The following TMEM132B variants were observed in gnomAD, a reference collection of about 807,000 sequenced individuals.
TMEM132B encodes the protein transmembrane protein 132B.
Under a neutral mutation model 90.8 loss-of-function variants are expected in TMEM132B, and 18 were observed. That is an observed-to-expected ratio of 0.20 (90% CI 0.14 to 0.29). TMEM132B has a LOEUF of 0.29. TMEM132B is among the 10% of genes least tolerant of loss of function. TMEM132B has a pLI of 1.00. For missense variants in TMEM132B, 1,096 were observed against 1,326.8 expected (o/e 0.83, Z 2.70); for synonymous variants, 504 against 523.3 (o/e 0.96, Z 0.50).
chr12:125,260,465 C>T (rs953163425), intron 1 of TMEM132B, among the ~76,000 whole-genome samples: 2 of 151,712 alleles, frequency 1.3e-5, no homozygotes, highest in Non-Finnish European at 2.9e-5. Context: ...GATTCTCCTG[C>T]CTCAGCCTTA....
intron 3 of TMEM132B, among the ~76,000 whole-genome samples, chr12:125,462,087 A>G (rs1013498590): frequency 6.6e-6 from 1 of 152,136 alleles, no homozygotes; most frequent in Non-Finnish European, 1.5e-5. Context: ...ATGGCAGTCA[A>G]CTCCATCTGA....
chr12:125,549,139 AG>A (rs1177449574), intron 4 of TMEM132B, among the ~76,000 whole-genome samples: 2 of 152,260 alleles, frequency 1.3e-5, no homozygotes, highest in Non-Finnish European at 2.9e-5. Flanking sequence ...GTCACTTCAT[AG>A]GGCAGACTTT....
intron 1 of TMEM132B, among the ~76,000 whole-genome samples, chr12:125,335,584 A>AATG (rs1288924685): frequency 1.3e-5 from 2 of 152,264 alleles, no homozygotes; most frequent in Non-Finnish European, 2.9e-5. Flanking sequence ...TTAGAAGGAG[A>AATG]ATGTGAAACT....
intron 5 of TMEM132B, among the ~76,000 whole-genome samples, chr12:125,589,659 C>CA (rs201094819): frequency 2.0e-5 from 3 of 151,996 alleles, no homozygotes; most frequent in East Asian, 1.9e-4. Flanking sequence ...GAGGAGCAGA[C>CA]ACATCTTACA....
At chr12:125,456,944 C>T (rs1296047043) in intron 3 of TMEM132B, among the ~76,000 whole-genome samples, 2 of 152,184 alleles carry the variant, frequency 1.3e-5, no homozygotes, top group Non-Finnish European at 2.9e-5. Flanking sequence ...GTCCCATTTC[C>T]TTTGTGATCT....
intron 1 of TMEM132B, among the ~76,000 whole-genome samples, chr12:125,207,767 C>T (rs1030125874): frequency 1.3e-5 from 2 of 152,176 alleles, no homozygotes; most frequent in Non-Finnish European, 2.9e-5. Context: ...CCCAGGCCTC[C>T]ACCATCTTTC....
intron 4 of TMEM132B, among the ~76,000 whole-genome samples, chr12:125,549,867 GCA>G (rs1426265185): frequency 3.3e-5 from 5 of 152,180 alleles, no homozygotes; most frequent in Non-Finnish European, 4.4e-5. Context: ...ATAGGACTCT[GCA>G]CACAGATGCC....
At chr12:125,507,445 A>G (rs1253921314) in intron 3 of TMEM132B, among the ~76,000 whole-genome samples, 1 of 152,204 alleles carries the variant, frequency 6.6e-6, no homozygotes, top group African/African-American at 2.4e-5. Flanking sequence ...GGAAGGTGAT[A>G]GGGATCGCTC....
Position 125,536,288 on chromosome 12 carries a change from G to A in TMEM132B, c.1293+16663G>A, listed in dbSNP as rs146358780. Among the ~76,000 whole-genome samples, 904 of 152,296 alleles carry A rather than the reference G, an allele frequency of 5.9e-3. 2 individuals carry two copies. The highest frequency in any genetic ancestry group is 7.9e-3 in the Non-Finnish European group (539 of 68,024). On this transcript the variant is annotated intron_variant, in intron 4 of 8. Transcript: ENST00000682704. ...TTAAGAGGCGCCATCTCCCAGGGAC[G>A]ATGCCATCCATCTGAATTTCCCAAA...
At chr12:125,563,596 AAC>A (rs1192115927) in intron 4 of TMEM132B, among the ~76,000 whole-genome samples, 1 of 146,802 alleles carries the variant, frequency 6.8e-6, no homozygotes, top group Non-Finnish European at 1.5e-5. Flanking sequence ...CAAACAAACA[AAC>A]AAAAAAAAAC....
intron 5 of TMEM132B, chr12:125,585,909 T>C (rs941122724): frequency 3.3e-5 from 5 of 152,236 alleles, no homozygotes; most frequent in Non-Finnish European, 5.9e-5. Context: ...TTAAGGGGAT[T>C]CCAGGACTGT....
At chr12:125,237,380 TTC>T (rs1873960621) in intron 1 of TMEM132B, among the ~76,000 whole-genome samples, 1 of 152,154 alleles carries the variant, frequency 6.6e-6, no homozygotes, top group African/African-American at 2.4e-5. Context: ...GCCTCCCCTG[TTC>T]TCTCTCCTAC....
Position 125,652,545 on chromosome 12 carries a change from G to A in TMEM132B, c.2019G>A (p.Met673Ile), listed in dbSNP as rs1330574835. 3 of 1,613,734 alleles carry A rather than the reference G, an allele frequency of 1.9e-6. No homozygotes were observed. The highest frequency in any genetic ancestry group is 1.7e-5 in the Admixed American group (1 of 59,984). Reference sequence around the variant, plus strand: ...TGGGAGTGCAGCTCGTAGCTGGCATGTCTCTCTCCCTGCAGCCACACCGAG... The same window carrying A: ...TGGGAGTGCAGCTCGTAGCTGGCATATCTCTCTCCCTGCAGCCACACCGAG... ...AELGVQLVAG[M>I]SLSLQPHRAD... Residue 673 changes from methionine (M) to isoleucine (I), a missense_variant, in exon 8 of 9, where the codon ATG (methionine) becomes ATA (isoleucine). Coordinates refer to ENST00000682704, the MANE Select transcript of TMEM132B (RefSeq NM_001366854.1).
At chr12:125,296,052 C>A (rs942095973) in intron 1 of TMEM132B, among the ~76,000 whole-genome samples, 3 of 152,192 alleles carry the variant, frequency 2.0e-5, no homozygotes, top group Non-Finnish European at 2.9e-5. Context: ...TTGTACTATA[C>A]ATTCACAGCC....
At chr12:125,219,975 CGTAA>C (rs575238038) in intron 1 of TMEM132B, among the ~76,000 whole-genome samples, 84 of 152,278 alleles carry the variant, frequency 5.5e-4, no homozygotes, top group South Asian at 5.0e-3. Flanking sequence ...CAGTATTTGC[CGTAA>C]GTATTTACAC....
chr12:125,325,752 G>A (rs547153513), intron 1 of TMEM132B, among the ~76,000 whole-genome samples: 18 of 148,992 alleles, frequency 1.2e-4, no homozygotes, highest in African/African-American at 4.2e-4. Context: ...TGTTGTCGTT[G>A]TTGTTGTTTC....
intron 2 of TMEM132B, among the ~76,000 whole-genome samples, chr12:125,382,003 C>T (rs182146243): frequency 2.0e-5 from 3 of 152,266 alleles, no homozygotes; most frequent in Admixed American, 6.5e-5. Context: ...GATCTTAGCC[C>T]ATTTCTGGGC....
chr12:125,449,219 G>A (rs113215828), intron 3 of TMEM132B, among the ~76,000 whole-genome samples: 29 of 151,984 alleles, frequency 1.9e-4, no homozygotes, highest in Non-Finnish European at 3.4e-4. Flanking sequence ...TGCCTGCCTC[G>A]GCCTCCCAAA....
At chr12:125,234,260 C>T (rs1392682958) in intron 1 of TMEM132B, among the ~76,000 whole-genome samples, 1 of 152,172 alleles carries the variant, frequency 6.6e-6, no homozygotes, top group Non-Finnish European at 1.5e-5. Context: ...TTTGCTTTTC[C>T]TGATCACACA....
Sources: gnomAD v4.1 joint callset for allele counts (sites outside exome capture counted in the v4.1 genomes callset) on GRCh38, gnomAD v4.1.1 for gene constraint, MANE v1.5 for transcripts, NCBI Gene and HGNC (gene_info 2026-07-23, HGNC 2026-07-21) for gene names.